Variants in CAST observed in about 807,000 individuals in gnomAD.
CAST encodes the protein MIR583 host.
A neutral mutation model predicts 119.6 loss-of-function variants in CAST; 76 were observed. That is an observed-to-expected ratio of 0.64 (90% CI 0.53 to 0.77). CAST has a LOEUF of 0.77. Among genes scored for constraint, CAST ranks in the 30% least tolerant of loss-of-function variants. The pLI is 0.00. For synonymous variants in CAST, 319 were observed against 331.6 expected, an observed-to-expected ratio of 0.96 and a Z score of 0.41; for missense variants, 953 against 946.5, an observed-to-expected ratio of 1.01 and a Z score of -0.09.
intron 1 of CAST, among the ~76,000 whole-genome samples, chr5:96,669,748 C>T (rs113457435): frequency 2.6e-5 from 4 of 152,290 alleles, no homozygotes; most frequent in African/African-American, 9.6e-5. Context: ...GTCTGCCTGA[C>T]CCTGGGAACC....
At position 96,742,492 on chromosome 5, in the gene CAST, C is replaced by T. The variant is rs1581221404; in HGVS notation, c.1099-163C>T. 3 of 596,534 alleles carry T rather than the reference C, an allele frequency of 5.0e-6. No homozygotes were observed. In the East Asian group the frequency reaches 8.5e-5, roughly 17 times the overall value. The allele number at this position is 596,534 out of a possible 1,614,324, so 37.0% of individuals were successfully genotyped here. A position where few individuals can be genotyped will look rare whatever the true frequency, so the allele number is the denominator to read the frequency against. ...TTCCACTCATTGGTAAGTTCTTTTT[C>T]CTTTCTCTCTTTTGCAAGGTTTCAA... On this transcript the variant is annotated intron_variant, in intron 15 of 31. Coordinates refer to ENST00000675179, the MANE Select transcript of CAST (RefSeq NM_001750.7).
the CAST span, among the ~76,000 whole-genome samples, chr5:95,986,930 C>T: frequency 6.6e-6 from 1 of 152,106 alleles, no homozygotes; most frequent in Non-Finnish European, 1.5e-5. Context: ...GCCTGTGGAC[C>T]ACTCCTAAGG....
chr5:96,380,895 A>G, the CAST span, among the ~76,000 whole-genome samples: 1 of 152,208 alleles, frequency 6.6e-6, no homozygotes, highest in African/African-American at 2.4e-5. Flanking sequence ...AAAGTTCAAG[A>G]TAGACCAATA....
the CAST span, among the ~76,000 whole-genome samples, chr5:96,443,080 CAG>C: frequency 6.6e-6 from 1 of 152,040 alleles, no homozygotes; most frequent in Non-Finnish European, 1.5e-5. Flanking sequence ...GGGAAAAAAA[CAG>C]AGTAATGACT....
chr5:96,148,067 T>C, the CAST span, among the ~76,000 whole-genome samples: 2 of 152,306 alleles, frequency 1.3e-5, no homozygotes, highest in African/African-American at 4.8e-5. Context: ...TTCACAAAAT[T>C]GACACTGTGA....
At chr5:96,624,907 GTTAT>G (rs1222897305) in intron 1 of CAST, among the ~76,000 whole-genome samples, 3 of 152,176 alleles carry the variant, frequency 2.0e-5, no homozygotes, top group Non-Finnish European at 2.9e-5. Context: ...CATCATTTTG[GTTAT>G]TTATTTCCAT....
the CAST span, among the ~76,000 whole-genome samples, chr5:96,491,524 A>G: frequency 4.9e-5 from 7 of 143,882 alleles, no homozygotes; most frequent in East Asian, 1.3e-3. Flanking sequence ...AAAAAAAAAA[A>G]ATTAAAAAGA....
chr5:96,408,454 T>C, the CAST span: 1 of 709,478 alleles, frequency 1.4e-6, no homozygotes, highest in Non-Finnish European at 2.6e-6. Flanking sequence ...TTGCCTACTT[T>C]CTCCTCTAAA....
the CAST span, among the ~76,000 whole-genome samples, chr5:96,412,689 C>T: frequency 6.8e-6 from 1 of 146,960 alleles, no homozygotes; most frequent in South Asian, 2.1e-4. Context: ...CCCCCATAAG[C>T]TTTTTTGTCG....
chr5:96,181,458 C>T, the CAST span, among the ~76,000 whole-genome samples: 1 of 152,178 alleles, frequency 6.6e-6, no homozygotes, highest in Non-Finnish European at 1.5e-5. Flanking sequence ...ATCAAATGGT[C>T]TTGGAGAGCC....
chr5:96,349,054 G>C, the CAST span, among the ~76,000 whole-genome samples: 10 of 149,414 alleles, frequency 6.7e-5, no homozygotes, highest in Non-Finnish European at 1.2e-4. Flanking sequence ...AGAAAACATA[G>C]AACATTACAC....
At chr5:96,069,353 GTA>G in the CAST span, among the ~76,000 whole-genome samples, 108 of 81,722 alleles carry the variant, frequency 1.3e-3, 1 homozygote, top group African/African-American at 4.2e-3. Context: ...ATGTGTGTAT[GTA>G]TGTGTGTGTG....
At chr5:96,158,152 C>T in the CAST span, among the ~76,000 whole-genome samples, 2 of 151,716 alleles carry the variant, frequency 1.3e-5, no homozygotes, top group African/African-American at 4.8e-5. Context: ...GATCCTACCA[C>T]ACCTAGACAG....
chr5:96,562,781 A>G (rs1157087685), intron 1 of CAST, among the ~76,000 whole-genome samples: 1 of 152,190 alleles, frequency 6.6e-6, no homozygotes, highest in African/African-American at 2.4e-5. Flanking sequence ...TTTTCATTCA[A>G]TGGTATACTA....
chr5:96,250,756 G>A, the CAST span, among the ~76,000 whole-genome samples: 3 of 151,948 alleles, frequency 2.0e-5, no homozygotes, highest in African/African-American at 4.8e-5. Flanking sequence ...TTGGAAATGC[G>A]GCTTCTCTAC....
chr5:96,752,189 G>A (rs923307241), intron 20 of CAST, among the ~76,000 whole-genome samples: 5 of 152,180 alleles, frequency 3.3e-5, no homozygotes, highest in Non-Finnish European at 7.3e-5. Flanking sequence ...TTGTGAATTT[G>A]ATAATATCAA....
chr5:96,044,168 G>A, the CAST span, among the ~76,000 whole-genome samples: 1 of 152,222 alleles, frequency 6.6e-6, no homozygotes, highest in Non-Finnish European at 1.5e-5. Context: ...AAGCACTTGG[G>A]AAAATCGTTC....
the CAST span, among the ~76,000 whole-genome samples, chr5:96,023,025 A>T: frequency 6.6e-6 from 1 of 152,212 alleles, no homozygotes; most frequent in African/African-American, 2.4e-5. Flanking sequence ...AATCATGGTT[A>T]CCTATGTGGT....
chr5:96,552,341 G>A (rs960876654), intron 1 of CAST, among the ~76,000 whole-genome samples: 10 of 152,078 alleles, frequency 6.6e-5, no homozygotes, highest in Non-Finnish European at 1.2e-4. Flanking sequence ...TGAAATGAAG[G>A]CAGAAATAAA....
Sources: allele counts gnomAD v4.1 joint callset (sites outside exome capture counted in the v4.1 genomes callset), GRCh38; gene constraint gnomAD v4.1.1; transcripts MANE v1.5; gene names NCBI Gene and HGNC (gene_info 2026-07-23, HGNC 2026-07-21).